The following AKAP13 variants were observed in gnomAD, a reference collection of about 807,000 sequenced individuals.
AKAP13 encodes the protein A-kinase anchor protein 13.
AKAP13 carries 80 observed loss-of-function variants against 264.5 expected under a neutral mutation model. That is an observed-to-expected ratio of 0.30 (90% CI 0.25 to 0.36). AKAP13 has a LOEUF of 0.36. Ranked by LOEUF, AKAP13 falls within the 10% of genes least tolerant of loss-of-function variation. AKAP13 has a pLI of 1.00. For missense variants in AKAP13, 3,712 were observed against 3,435.2 expected (o/e 1.08, Z -2.01); for synonymous variants, 1,380 against 1,250.2 (o/e 1.10, Z -2.19).
At chr15:85,527,130 G>A (rs891539371) in intron 3 of AKAP13, among the ~76,000 whole-genome samples, 1 of 151,660 alleles carries the variant, frequency 6.6e-6, no homozygotes, top group Non-Finnish European at 1.5e-5. Context: ...GCCCGGCTAA[G>A]TTTTTGTGTT....
intron 4 of AKAP13, among the ~76,000 whole-genome samples, chr15:85,542,857 C>T (rs977161650): frequency 1.3e-5 from 2 of 152,220 alleles, no homozygotes; most frequent in Non-Finnish European, 2.9e-5. Context: ...AGTCATAATA[C>T]TAGCATTTCA....
At chr15:85,675,427 G>A (rs543508137) in intron 14 of AKAP13, among the ~76,000 whole-genome samples, 16 of 152,150 alleles carry the variant, frequency 1.1e-4, no homozygotes, top group South Asian at 6.2e-4. Context: ...GTAGGTACAG[G>A]GCTTTTTCTC....
intron 9 of AKAP13, among the ~76,000 whole-genome samples, chr15:85,641,470 AAATAAAT>A (rs1409528468): frequency 7.6e-6 from 1 of 131,124 alleles, no homozygotes; most frequent in African/African-American, 3.1e-5. Context: ...ATAAATAAAT[AAATAAAT>A]AAATAAATAA....
At chr15:85,524,033 G>C (rs1385515516) in intron 3 of AKAP13, among the ~76,000 whole-genome samples, 1 of 152,214 alleles carries the variant, frequency 6.6e-6, no homozygotes, top group African/African-American at 2.4e-5. Flanking sequence ...CCCAGTTCCT[G>C]GATAAATGTG....
intron 13 of AKAP13, among the ~76,000 whole-genome samples, chr15:85,665,633 C>G (rs982999962): frequency 6.6e-6 from 1 of 152,166 alleles, no homozygotes; most frequent in Non-Finnish European, 1.5e-5. Flanking sequence ...CACCCATTAA[C>G]TCGTCATTTA....
intron 14 of AKAP13, among the ~76,000 whole-genome samples, chr15:85,676,780 A>C (rs541008860): frequency 2.0e-5 from 3 of 152,218 alleles, no homozygotes; most frequent in East Asian, 1.9e-4. Context: ...TTATTAGCCA[A>C]ATTTTTTAGA....
intron 1 of AKAP13, among the ~76,000 whole-genome samples, chr15:85,453,999 A>T (rs1224819979): frequency 6.6e-6 from 1 of 152,198 alleles, no homozygotes; most frequent in African/African-American, 2.4e-5. Context: ...AATGGCAAAG[A>T]TGGTGGCCCA....
intron 13 of AKAP13, among the ~76,000 whole-genome samples, chr15:85,665,029 C>G (rs2083511778): frequency 6.6e-6 from 1 of 151,934 alleles, no homozygotes. Context: ...AGCAAGACCC[C>G]CCATCTCTAC....
At chr15:85,504,972 C>G (rs1200717297) in intron 2 of AKAP13, among the ~76,000 whole-genome samples, 2 of 151,862 alleles carry the variant, frequency 1.3e-5, no homozygotes, top group Admixed American at 6.6e-5. Flanking sequence ...CTCTCACTCT[C>G]TGTGTGTGTG....
intron 1 of AKAP13, among the ~76,000 whole-genome samples, chr15:85,423,713 T>C (rs902744816): frequency 3.3e-5 from 5 of 152,228 alleles, no homozygotes; most frequent in Non-Finnish European, 5.9e-5. Flanking sequence ...TCTAGAATGG[T>C]GAATCCTTTG....
chr15:85,631,226 A>C (rs1019326696), intron 8 of AKAP13, among the ~76,000 whole-genome samples: 5 of 152,290 alleles, frequency 3.3e-5, no homozygotes, highest in African/African-American at 1.2e-4. Context: ...TGAGTAAGCA[A>C]ATTTGTAGAG....
intron 33 of AKAP13, among the ~76,000 whole-genome samples, chr15:85,737,520 T>G (rs535100335): frequency 6.6e-6 from 1 of 152,358 alleles, no homozygotes; most frequent in South Asian, 2.1e-4. Context: ...AGGAACTTTA[T>G]TTTTGAAATT....
intron 5 of AKAP13, among the ~76,000 whole-genome samples, chr15:85,566,729 C>T (rs370877583): frequency 2.1e-4 from 32 of 149,976 alleles, no homozygotes; most frequent in East Asian, 1.2e-3. Context: ...TGGGTTCAAG[C>T]GATTCTTCTG....
At chr15:85,601,650 T>TG (rs1567149369) in intron 8 of AKAP13, among the ~76,000 whole-genome samples, 1 of 35,566 alleles carries the variant, frequency 2.8e-5, no homozygotes, top group African/African-American at 1.2e-4. Context: ...GTGTGTGTGT[T>TG]TTTCTTCCAG....
chr15:85,679,898 T>C (rs2084489061), intron 14 of AKAP13, among the ~76,000 whole-genome samples: 1 of 152,248 alleles, frequency 6.6e-6, no homozygotes, highest in Admixed American at 6.5e-5. Context: ...GAAAACTTGA[T>C]GATACTTTAG....
At chr15:85,723,043 A>T in intron 25 of AKAP13, 29 bp from the exon 26 acceptor site, 1 of 1,601,918 alleles carries the variant, frequency 6.2e-7, no homozygotes, top group Non-Finnish European at 8.5e-7. Context: ...AAAGAGCCAT[A>T]AAAAACAGAA....
At chr15:85,614,088 A>T (rs1270527800) in intron 8 of AKAP13, among the ~76,000 whole-genome samples, 1 of 152,166 alleles carries the variant, frequency 6.6e-6, no homozygotes, top group African/African-American at 2.4e-5. Context: ...GTGTCAAGAA[A>T]ACCAATTTGA....
rs549726244 is a variant in AKAP13, at chr15:85,745,501, G to A, written c.*824G>A. 1.2e-4 allele frequency: 19 copies of A among 152,004 alleles called. No individual in the cohort carries two copies. Among genetic ancestry groups the A allele is most frequent in the African/African-American group, 3.9e-4 (16 of 41,426 alleles). The allele number at this position is 152,004 out of a possible 1,614,324, so 9.4% of individuals were successfully genotyped here. A position where few individuals can be genotyped will look rare whatever the true frequency, so the allele number is the denominator to read the frequency against. On this transcript the variant is annotated 3_prime_UTR_variant, in exon 37 of 37. Transcript: ENST00000394518. ...CCAGCATGTTTACCCACATGTTTTGGCCATGGATAAAGTGAAGAGGCCTAC... is the reference window on the plus strand; with the variant it reads ...CCAGCATGTTTACCCACATGTTTTGACCATGGATAAAGTGAAGAGGCCTAC...
intron 33 of AKAP13, 138 bp downstream of exon 33, chr15:85,736,272 C>T (rs961102476): frequency 1.8e-5 from 12 of 679,624 alleles, no homozygotes; most frequent in African/African-American, 5.5e-5. Flanking sequence ...TATGTGTAAA[C>T]AATACAGTTG....
Sources: gnomAD v4.1 joint callset for allele counts (sites outside exome capture counted in the v4.1 genomes callset) on GRCh38, gnomAD v4.1.1 for gene constraint, MANE v1.5 for transcripts, NCBI Gene and HGNC (gene_info 2026-07-23, HGNC 2026-07-21) for gene names.